The following NBEA variants were observed in gnomAD, a reference collection of about 807,000 sequenced individuals.
The protein encoded by NBEA is lysosomal-trafficking regulator 2.
In NBEA, 44 loss-of-function variants were observed where a neutral mutation model predicts 343.4. That is an observed-to-expected ratio of 0.13 (90% confidence interval 0.10 to 0.16). NBEA has a LOEUF of 0.16. Ranked by LOEUF, NBEA falls within the 10% of genes least tolerant of loss-of-function variation. NBEA has a pLI of 1.00. For missense variants in NBEA, 2,555 were observed against 3,631.3 expected, an observed-to-expected ratio of 0.70 and a Z score of 7.62; for synonymous variants, 1,175 against 1,238.7, an observed-to-expected ratio of 0.95 and a Z score of 1.08.
At chr13:35,458,103 G>A (rs970884831) in intron 40 of NBEA, among the ~76,000 whole-genome samples, 19 of 152,196 alleles carry the variant, frequency 1.2e-4, no homozygotes, top group African/African-American at 4.6e-4. Context: ...AGGGGAATTG[G>A]TGGGTCAAAT....
rs969119126 is a variant in NBEA, at chr13:35,045,123, A to C, written c.627+76A>C. ...AATGTTCAAAAGTTTGTCTCTAGAG[A>C]GCTATATACTTGAATTTATAATGGA... On this transcript the variant is annotated intron_variant, in intron 3 of 58. Coordinates refer to ENST00000379939, the MANE Select transcript of NBEA (RefSeq NM_001385012.1). 3.1e-6 allele frequency: 4 copies of C among 1,310,726 alleles called. No individual in the cohort carries two copies. In the African/African-American group the frequency reaches 6.0e-5, roughly 20 times the overall value. 81.2% of individuals were successfully genotyped at this position (1,310,726 alleles called of 1,614,324 possible). A position where few individuals can be genotyped will look rare whatever the true frequency, so the allele number is the denominator to read the frequency against.
intron 43 of NBEA, among the ~76,000 whole-genome samples, chr13:35,553,306 A>G (rs964281092): frequency 6.6e-6 from 1 of 151,986 alleles, no homozygotes; most frequent in Non-Finnish European, 1.5e-5. Context: ...TCCTTGGCTT[A>G]TTTTCCCCCA....
At chr13:34,994,969 C>G (rs992359944) in intron 1 of NBEA, among the ~76,000 whole-genome samples, 2 of 152,158 alleles carry the variant, frequency 1.3e-5, no homozygotes, top group Non-Finnish European at 2.9e-5. Flanking sequence ...CAAGGTCAGT[C>G]AGTGGCTGGA....
intron 7 of NBEA, among the ~76,000 whole-genome samples, chr13:35,057,084 C>T (rs763168923): frequency 5.3e-5 from 8 of 152,084 alleles, no homozygotes; most frequent in Non-Finnish European, 8.8e-5. Flanking sequence ...GTCTACATTC[C>T]GGCCTGTCAG....
chr13:35,078,824 G>A (rs920587632), intron 10 of NBEA, among the ~76,000 whole-genome samples: 2 of 152,046 alleles, frequency 1.3e-5, no homozygotes, highest in African/African-American at 2.4e-5. Context: ...GAGATCGAGA[G>A]CATCCTGGCC....
At chr13:35,652,378 C>T (rs1282818006) in intron 53 of NBEA, among the ~76,000 whole-genome samples, 2 of 150,164 alleles carry the variant, frequency 1.3e-5, no homozygotes, top group East Asian at 2.0e-4. Context: ...TGGTGGCTCA[C>T]TCCTGTAATC....
In NBEA at chr13:34,942,669, C is replaced by A; in HGVS notation, c.-152C>A. The A allele has an allele frequency of 2.2e-6, 1 of 460,582 alleles. No individual in the cohort carries two copies. Among genetic ancestry groups the A allele is most frequent in the Non-Finnish European group, 3.4e-6 (1 of 293,428 alleles). 28.5% of individuals were successfully genotyped at this position (460,582 alleles called of 1,614,324 possible). A position where few individuals can be genotyped will look rare whatever the true frequency, so the allele number is the denominator to read the frequency against. On this transcript the variant is annotated 5_prime_UTR_variant, in exon 1 of 59. It adds an upstream start codon to the 5' untranslated region. Transcript: ENST00000379939. ...GGGGAGAGCGCCGGAGCGGGCCGGG[C>A]TGAGGCGCAGGCGGGGAGCGGGCCC... is the stretch of plus-strand genomic sequence containing the variant.
At chr13:35,646,428 C>A (rs1408747278) in intron 51 of NBEA, 80 bp downstream of exon 51, 5 of 1,040,142 alleles carry the variant, frequency 4.8e-6, no homozygotes, top group Non-Finnish European at 5.8e-6. Flanking sequence ...GTGATTTTAA[C>A]AGCATATTTT....
intron 5 of NBEA, 29 bp from the exon 6 acceptor site, chr13:35,050,240 T>C (rs1442710718): frequency 1.9e-6 from 3 of 1,598,790 alleles, no homozygotes; most frequent in Admixed American, 1.7e-5. Context: ...TATCAGAGGA[T>C]ATTATACTAT....
intron 47 of NBEA, among the ~76,000 whole-genome samples, chr13:35,604,809 C>T (rs534504955): frequency 1.3e-5 from 2 of 152,102 alleles, no homozygotes; most frequent in East Asian, 1.9e-4. Flanking sequence ...TGAGGGTGCC[C>T]GGCCCCCTCT....
chr13:35,280,630 C>G (rs144453015), intron 34 of NBEA, among the ~76,000 whole-genome samples: 1,845 of 152,180 alleles, frequency 0.012, 14 homozygotes, highest in Middle Eastern at 0.034. Context: ...CTGTATACTC[C>G]ATTAGAATTC....
At chr13:35,573,118 A>G (rs1379570780) in intron 45 of NBEA, among the ~76,000 whole-genome samples, 3 of 152,182 alleles carry the variant, frequency 2.0e-5, no homozygotes, top group South Asian at 4.1e-4. Flanking sequence ...TATAATCCAC[A>G]CTATGTTGAA....
chr13:34,981,239 T>C (rs983148182), intron 1 of NBEA, among the ~76,000 whole-genome samples: 1 of 152,202 alleles, frequency 6.6e-6, no homozygotes. Flanking sequence ...TTTTCCTTTT[T>C]ATTGCCAAGT....
At chr13:34,948,478 T>C (rs2059254983) in intron 1 of NBEA, among the ~76,000 whole-genome samples, 1 of 152,192 alleles carries the variant, frequency 6.6e-6, no homozygotes, top group African/African-American at 2.4e-5. Flanking sequence ...GAACCTAGAG[T>C]TCTTTATGTC....
chr13:35,601,263 A>G (rs1034219795), intron 47 of NBEA, among the ~76,000 whole-genome samples: 4 of 152,166 alleles, frequency 2.6e-5, no homozygotes, highest in African/African-American at 9.7e-5. Context: ...AATTTAGGAT[A>G]TGGTAAACAT....
intron 33 of NBEA, among the ~76,000 whole-genome samples, chr13:35,222,682 A>G (rs1566481218): frequency 6.6e-6 from 1 of 152,186 alleles, no homozygotes; most frequent in Non-Finnish European, 1.5e-5. Flanking sequence ...TCTACGACTT[A>G]CAATATAAAT....
At chr13:35,327,365 T>C (rs1336887878) in intron 36 of NBEA, among the ~76,000 whole-genome samples, 2 of 152,038 alleles carry the variant, frequency 1.3e-5, no homozygotes, top group African/African-American at 4.8e-5. Flanking sequence ...GGCAAAGACA[T>C]AGAATCAACC....
intron 41 of NBEA, among the ~76,000 whole-genome samples, chr13:35,511,195 T>C (rs1182376399): frequency 6.6e-6 from 1 of 152,164 alleles, no homozygotes; most frequent in African/African-American, 2.4e-5. Context: ...TTTTGAGATA[T>C]ATTTATTCAC....
rs189357146 is a variant in NBEA, at chr13:35,320,518, G to T, written c.5903+10926G>T. Among the ~76,000 whole-genome samples the T allele has an allele frequency of 2.0e-3, 297 of 152,286 alleles. 2 individuals are homozygous for T. The highest frequency in any genetic ancestry group is 7.1e-4 in the Non-Finnish European group (48 of 68,020). On this transcript the variant is annotated intron_variant, in intron 36 of 58. Transcript: ENST00000379939. The stretch of plus-strand genomic sequence containing the variant: ...GGTAACCTGACCTTTCTCCCTGGCT[G>T]CCCTTAACATTTTTTCCTTCATTTC...
Sources: allele counts gnomAD v4.1 joint callset (sites outside exome capture counted in the v4.1 genomes callset), GRCh38; gene constraint gnomAD v4.1.1; transcripts MANE v1.5; gene names NCBI Gene and HGNC (gene_info 2026-07-23, HGNC 2026-07-21).